The following PTPRD variants were observed in gnomAD, a reference collection of about 807,000 sequenced individuals.
PTPRD encodes protein tyrosine phosphatase receptor type D.
In PTPRD, 34 loss-of-function variants were observed where a neutral mutation model predicts 214.5. The observed-to-expected ratio is 0.16, with a 90% CI of 0.12 to 0.21. PTPRD has a LOEUF of 0.21. PTPRD is among the 10% of genes least tolerant of loss of function. The pLI, the probability that PTPRD is intolerant of heterozygous loss-of-function variation, is 1.00. For missense variants in PTPRD, 2,545 were observed against 2,398.7 expected (o/e 1.06, Z -1.27); for synonymous variants, 1,128 against 845.7 (o/e 1.33, Z -5.79).
chr9:8,850,518 C>G (rs1395302644), intron 11 of PTPRD, among the ~76,000 whole-genome samples: 2 of 151,976 alleles, frequency 1.3e-5, no homozygotes, highest in Non-Finnish European at 2.9e-5. Context: ...TATTTTATTC[C>G]TCTAGAAAAA....
At chr9:9,903,145 G>T (rs549357699) in intron 5 of PTPRD, among the ~76,000 whole-genome samples, 1 of 152,118 alleles carries the variant, frequency 6.6e-6, no homozygotes, top group South Asian at 2.1e-4. Flanking sequence ...CTAATTTGTT[G>T]AATCAAATAA....
chr9:10,558,063 T>C (rs1196790643), intron 2 of PTPRD, among the ~76,000 whole-genome samples: 4 of 152,152 alleles, frequency 2.6e-5, no homozygotes, highest in Non-Finnish European at 4.4e-5. Flanking sequence ...TTTCTATGGT[T>C]GTATCTGACT....
At chr9:10,247,422 T>G (rs935063771) in intron 3 of PTPRD, among the ~76,000 whole-genome samples, 1 of 152,198 alleles carries the variant, frequency 6.6e-6, no homozygotes, top group South Asian at 2.1e-4. Flanking sequence ...AACAATAAGT[T>G]AGAGACAAAA....
chr9:8,376,140 G>A (rs755310104), intron 38 of PTPRD, 50 bp from the exon 39 acceptor site: 21 of 1,599,400 alleles, frequency 1.3e-5, no homozygotes, highest in Non-Finnish European at 1.8e-5. Flanking sequence ...GCCTCAGGTG[G>A]TAATGATGAA....
intron 3 of PTPRD, among the ~76,000 whole-genome samples, chr9:10,062,713 T>C (rs2097796426): frequency 1.3e-5 from 2 of 151,944 alleles, no homozygotes; most frequent in East Asian, 1.9e-4. Context: ...AATATTTTTT[T>C]TCTCTCTCTT....
intron 9 of PTPRD, among the ~76,000 whole-genome samples, chr9:9,314,773 AAAACG>A (rs1456405060): frequency 6.6e-6 from 1 of 152,120 alleles, no homozygotes; most frequent in Non-Finnish European, 1.5e-5. Context: ...CTAATTTAAC[AAAACG>A]AATCTAAAAT....
intron 8 of PTPRD, among the ~76,000 whole-genome samples, chr9:9,413,830 A>C (rs2076233161): frequency 6.6e-6 from 1 of 152,238 alleles, no homozygotes; most frequent in African/African-American, 2.4e-5. Context: ...TGTCTGCCAC[A>C]TGACAGTCAC....
chr9:8,867,754 A>T (rs371814064), intron 11 of PTPRD, among the ~76,000 whole-genome samples: 1 of 152,288 alleles, frequency 6.6e-6, no homozygotes, highest in East Asian at 1.9e-4. Flanking sequence ...TTATATTTAT[A>T]CTTGTTTTTC....
chr9:9,734,476 GACAA>G, intron 7 of PTPRD, 53 bp downstream of exon 7: 1 of 151,856 alleles, frequency 6.6e-6, no homozygotes, highest in African/African-American at 2.4e-5. Flanking sequence ...AAGGAATAGT[GACAA>G]ACAAAATAAA....
intron 8 of PTPRD, among the ~76,000 whole-genome samples, chr9:9,444,966 G>C (rs956079638): frequency 2.6e-5 from 4 of 151,802 alleles, no homozygotes; most frequent in Non-Finnish European, 5.9e-5. Flanking sequence ...TAATTTTCTT[G>C]CTCTATTATG....
At chr9:10,608,308 C>T (rs1241281552) in intron 2 of PTPRD, among the ~76,000 whole-genome samples, 1 of 151,938 alleles carries the variant, frequency 6.6e-6, no homozygotes, top group East Asian at 1.9e-4. Flanking sequence ...AATAATTATA[C>T]ATGTAATATG....
At position 8,841,556 on chromosome 9, in the gene PTPRD, C is replaced by T. The variant is rs528354070; in HGVS notation, c.-103-107610G>A. Among the ~76,000 whole-genome samples, 134 of 152,262 alleles carry T rather than the reference C, an allele frequency of 8.8e-4. 1 individual carries two copies. Among genetic ancestry groups the T allele is most frequent in the African/African-American group, 3.1e-3 (129 of 41,540 alleles). On this transcript the variant is annotated intron_variant, in intron 11 of 45. Coordinates refer to ENST00000381196, the MANE Select transcript of PTPRD (RefSeq NM_002839.4). Reference sequence around the variant, plus strand: ...GTATAAATACAATCCCCTACCCCAACAGAGATCTTTTGTTAAAGCTATAAA... The same window carrying T: ...GTATAAATACAATCCCCTACCCCAATAGAGATCTTTTGTTAAAGCTATAAA...
chr9:9,470,194 G>C (rs1431716768), intron 8 of PTPRD, among the ~76,000 whole-genome samples: 2 of 152,128 alleles, frequency 1.3e-5, no homozygotes, highest in Non-Finnish European at 2.9e-5. Context: ...AACTGCATGG[G>C]ATATTAGATT....
intron 2 of PTPRD, among the ~76,000 whole-genome samples, chr9:10,438,973 G>A (rs927782049): frequency 1.3e-5 from 2 of 151,660 alleles, no homozygotes; most frequent in African/African-American, 4.8e-5. Flanking sequence ...CACGCTTTTT[G>A]TTGTCCCCTG....
At position 9,132,914 on chromosome 9, in the gene PTPRD, G is replaced by A. The variant is rs190048648; in HGVS notation, c.-143+50390C>T. On this transcript the variant is annotated intron_variant, in intron 10 of 45. Transcript: ENST00000381196. ...TGTGTTGATGCTGAGAATAGGGATG[G>A]CATATATAATATTAAGTTATATTCA... is the stretch of plus-strand genomic sequence containing the variant. 6.1e-3 allele frequency among the ~76,000 whole-genome samples: 923 copies of A among 152,256 alleles called. 11 individuals are homozygous for A. The highest frequency in any genetic ancestry group is 0.021 in the African/African-American group (881 of 41,554).
At chr9:9,136,504 A>G (rs1350103769) in intron 10 of PTPRD, among the ~76,000 whole-genome samples, 1 of 152,158 alleles carries the variant, frequency 6.6e-6, no homozygotes, top group Non-Finnish European at 1.5e-5. Context: ...CTCAAATATA[A>G]TCACTACTTA....
intron 8 of PTPRD, 58 bp downstream of exon 8, chr9:9,574,674 G>A (rs1027534160): frequency 1.3e-5 from 2 of 151,758 alleles, no homozygotes; most frequent in African/African-American, 4.8e-5. Context: ...AACTGGACAT[G>A]ATCAAAAAGC....
At chr9:9,723,152 G>C (rs190738305) in intron 7 of PTPRD, among the ~76,000 whole-genome samples, 2 of 152,058 alleles carry the variant, frequency 1.3e-5, no homozygotes, top group South Asian at 2.1e-4. Flanking sequence ...TTATAGTTTT[G>C]CCTTTTATAT....
At chr9:9,719,973 T>C (rs1400465707) in intron 7 of PTPRD, among the ~76,000 whole-genome samples, 2 of 152,122 alleles carry the variant, frequency 1.3e-5, no homozygotes, top group Admixed American at 1.3e-4. Flanking sequence ...CCACGCTTGA[T>C]TGTTTACACA....
Sources: gnomAD v4.1 joint callset for allele counts (sites outside exome capture counted in the v4.1 genomes callset) on GRCh38, gnomAD v4.1.1 for gene constraint, MANE v1.5 for transcripts, NCBI Gene and HGNC (gene_info 2026-07-23, HGNC 2026-07-21) for gene names.